NBN: variants seen among roughly 807,000 people sequenced by gnomAD.
NBN encodes Nijmegen breakage syndrome 1 (nibrin).
A neutral mutation model predicts 90.8 loss-of-function variants in NBN; 88 were observed. That is an observed-to-expected ratio of 0.97 (90% CI 0.82 to 1.16). The LOEUF (loss-of-function observed/expected upper bound fraction) is 1.16. NBN is among the 50% of genes most tolerant of loss of function. The pLI, the probability that NBN is intolerant of heterozygous loss-of-function variation, is 0.00. For synonymous variants in NBN, 328 were observed against 295.1 expected (o/e 1.11, Z -1.14); for missense variants, 894 against 869.6 (o/e 1.03, Z -0.35).
rs1554563895 is a variant in NBN at position 89,970,434 on chromosome 8, T to A, written c.826A>T (p.Thr276Ser). 6.2e-7 allele frequency: 1 copy of A among 1,613,968 alleles called. No homozygotes were observed. The highest frequency in any genetic ancestry group is 1.3e-5 in the African/African-American group (1 of 74,920). ...PGTCVVDTGI[T>S]NSQTLIPDCQ... ...TCAGGAATTAAGGTCTGTGAGTTTG[T>A]TATTCCTGTATCAACAACACACGTT... The change falls in exon 7 of 16, where the codon ACA becomes TCA. Residue 276 changes from threonine to serine, a missense_variant. Physicochemically the swap from Thr to Ser is moderately conservative, Grantham distance 58. Transcript: ENST00000265433.
intron 11 of NBN, among the ~76,000 whole-genome samples, chr8:89,951,369 A>G (rs73696843): frequency 0.022 from 3,332 of 151,926 alleles, 123 homozygotes; most frequent in African/African-American, 0.075. Flanking sequence ...ACTAAAGAAA[A>G]TAACATGTCA....
intron 9 of NBN, 35 bp from the exon 10 acceptor site, chr8:89,955,590 C>T: frequency 6.2e-7 from 1 of 1,600,278 alleles, no homozygotes; most frequent in Non-Finnish European, 8.5e-7. Flanking sequence ...GGTAAATAAT[C>T]AAGTTTACAG....
Position 89,950,897 on chromosome 8 carries a change from G to A in NBN, c.1845+2347C>T, listed in dbSNP as rs1448367445. Among the ~76,000 whole-genome samples, 7 of 152,074 alleles carry A rather than the reference G, an allele frequency of 4.6e-5. No individual in the cohort carries two copies. In the East Asian group the frequency reaches 1.2e-3, roughly 25 times the overall value. On this transcript the variant is annotated intron_variant, in intron 11 of 15. Transcript: ENST00000265433. ...AATGTGCAGTGAAAGTAGGTCTTCA[G>A]GAAGATTAATTAGCAGTCATCCAGG...
At chr8:89,965,253 T>C (rs1811194429) in intron 7 of NBN, among the ~76,000 whole-genome samples, 1 of 152,294 alleles carries the variant, frequency 6.6e-6, no homozygotes, top group South Asian at 2.1e-4. Flanking sequence ...GAACTATACC[T>C]AAGGTATATC....
chr8:89,937,226 C>T (rs1204261105), intron 14 of NBN, 151 bp from the exon 15 acceptor site: 2 of 675,576 alleles, frequency 3.0e-6, no homozygotes, highest in Non-Finnish European at 5.2e-6. Context: ...TTTCATTCAA[C>T]TGATCCTCTA....
At position 89,978,314 on chromosome 8, in the gene NBN, C is replaced by A. The variant is rs786201252; in HGVS notation, c.490G>T (p.Ala164Ser). Residue 164 changes from alanine (A) to serine (S), a missense_variant, in exon 5 of 16, where the codon GCA becomes TCA. Coordinates refer to ENST00000265433, the MANE Select transcript of NBN (RefSeq NM_002485.5). ...SVKVTIKTICALICGRPIVKP... is the reference protein window; with the variant it reads ...SVKVTIKTICSLICGRPIVKP... ...ACAATTGGACGTCCACAAATGAGTG[C>A]ACATATTGTCTACAATGAAGAAAAC... 6.3e-7 allele frequency: 1 copy of A among 1,584,938 alleles called. No individual in the cohort carries two copies. The highest frequency in any genetic ancestry group is 1.3e-5 in the African/African-American group (1 of 74,208).
chr8:89,949,388 G>A (rs1810340256), intron 11 of NBN, among the ~76,000 whole-genome samples: 1 of 152,114 alleles, frequency 6.6e-6, no homozygotes, highest in Admixed American at 6.5e-5. Context: ...ATTTACTACT[G>A]GGTATTGAAA....
intron 13 of NBN, among the ~76,000 whole-genome samples, chr8:89,944,205 C>G (rs982560935): frequency 6.6e-6 from 1 of 152,138 alleles, no homozygotes; most frequent in Non-Finnish European, 1.5e-5. Context: ...AAAACTTCTT[C>G]TCTAAGCAAT....
chr8:89,969,421 G>A (rs1000682067), intron 7 of NBN, among the ~76,000 whole-genome samples: 1 of 152,104 alleles, frequency 6.6e-6, no homozygotes, highest in African/African-American at 2.4e-5. Flanking sequence ...TTCAACGCTA[G>A]GCAATTGCAG....
chr8:89,970,344 AAT>A lies in NBN; in HGVS notation c.896+18_896+19del, dbSNP rs1403139376. ...AATCTCCTACTTGCAGTTTTTTACTAATAAAGAATAATTCTATACCTTTGGAG... is the reference window on the plus strand; with the variant it reads ...AATCTCCTACTTGCAGTTTTTTACTAAAAGAATAATTCTATACCTTTGGAG... On this transcript the variant is annotated intron_variant, in intron 7 of 15. Transcript: ENST00000265433. 2 of 1,575,424 alleles carry A rather than the reference AAT, an allele frequency of 1.3e-6. No individual in the cohort carries two copies. Among genetic ancestry groups the A allele is most frequent in the African/African-American group, 2.7e-5 (2 of 74,036 alleles).
intron 14 of NBN, 124 bp downstream of exon 14, chr8:89,943,129 G>C (rs1478975988): frequency 1.3e-5 from 12 of 914,854 alleles, no homozygotes; most frequent in Non-Finnish European, 1.9e-5. Context: ...ACTCAGGAAT[G>C]CTCCTGAATG....
At chr8:89,953,164 A>T in intron 11 of NBN, 80 bp downstream of exon 11, 1 of 1,022,470 alleles carries the variant, frequency 9.8e-7, no homozygotes, top group Non-Finnish European at 1.5e-6. Flanking sequence ...GGATGCTCAT[A>T]CTGTCAATAC....
chr8:89,950,663 A>C (rs1209770387), intron 11 of NBN, among the ~76,000 whole-genome samples: 2 of 152,258 alleles, frequency 1.3e-5, no homozygotes, highest in Non-Finnish European at 2.9e-5. Context: ...AAATGGAATT[A>C]TGCTATAGAA....
chr8:89,983,311 A>G (rs2129928999), intron 1 of NBN, among the ~76,000 whole-genome samples: 1 of 152,268 alleles, frequency 6.6e-6, no homozygotes, highest in African/African-American at 2.4e-5. Flanking sequence ...TCAAGCCTGT[A>G]ATCCCAGCTA....
Position 89,934,094 on chromosome 8 carries a change from G to A in NBN, c.*1488C>T, listed in dbSNP as rs1809555827. The A allele has an allele frequency of 4.3e-6, 1 of 230,226 alleles. No individual in the cohort carries two copies. The highest frequency in any genetic ancestry group is 2.2e-5 in the African/African-American group (1 of 45,306). The allele number at this position is 230,226 out of a possible 1,614,324, so 14.3% of individuals were successfully genotyped here. ...AGAAAGGGATTGTGGGCATGACAGA[G>A]AACAATATTAATCTGTCCATTATAT... On this transcript the variant is annotated 3_prime_UTR_variant, in exon 16 of 16. Coordinates refer to ENST00000265433, the MANE Select transcript of NBN (RefSeq NM_002485.5).
chr8:89,958,023 C>A (rs565731000), intron 9 of NBN, among the ~76,000 whole-genome samples: 1 of 152,284 alleles, frequency 6.6e-6, no homozygotes, highest in African/African-American at 2.4e-5. Context: ...TCAGTCCCAT[C>A]TGAGGGTGAT....
intron 6 of NBN, 37 bp from the exon 7 acceptor site, chr8:89,970,594 T>C (rs920833893): frequency 5.1e-6 from 8 of 1,581,308 alleles, no homozygotes; most frequent in African/African-American, 2.7e-5. Flanking sequence ...AAGTAAAATG[T>C]AGTAATTTTT....
chr8:89,942,940 T>G (rs1413056828), intron 14 of NBN, among the ~76,000 whole-genome samples: 1 of 152,188 alleles, frequency 6.6e-6, no homozygotes, highest in Non-Finnish European at 1.5e-5. Flanking sequence ...AGTGATATAT[T>G]TGTAATATCC....
intron 8 of NBN, among the ~76,000 whole-genome samples, chr8:89,959,137 T>C (rs992469324): frequency 3.3e-5 from 5 of 152,194 alleles, no homozygotes; most frequent in Non-Finnish European, 5.9e-5. Flanking sequence ...CAAATTCTAA[T>C]TCAAATTATG....
Sources: gnomAD v4.1 joint callset for allele counts (sites outside exome capture counted in the v4.1 genomes callset) on GRCh38, gnomAD v4.1.1 for gene constraint, MANE v1.5 for transcripts, NCBI Gene and HGNC (gene_info 2026-07-23, HGNC 2026-07-21) for gene names.